Variants in SERPINF1 observed in about 807,000 individuals in gnomAD.
The protein encoded by SERPINF1 is pigment epithelium-derived factor.
Under a neutral mutation model 37.3 loss-of-function variants are expected in SERPINF1, and 29 were observed. That is an observed-to-expected ratio of 0.78 (90% CI 0.58 to 1.06). The LOEUF is 1.06. SERPINF1 is among the 50% of genes least tolerant of loss of function. The pLI is 0.00. For synonymous variants in SERPINF1, 281 were observed against 227.9 expected (o/e 1.23, Z -2.10); for missense variants, 553 against 532.2 (o/e 1.04, Z -0.38).
chr17:1,767,460 C>T (rs773465387), intron 2 of SERPINF1, among the ~76,000 whole-genome samples: 15 of 152,190 alleles, frequency 9.9e-5, no homozygotes, highest in Admixed American at 9.2e-4. Flanking sequence ...TTCTCATTAC[C>T]TTGTCTTCCT....
chr17:1,769,571 C>A, intron 2 of SERPINF1: 1 of 498,700 alleles, frequency 2.0e-6, no homozygotes, highest in Non-Finnish European at 3.7e-6. Flanking sequence ...TTGCAGTGAG[C>A]TGAGATCGCG....
chr17:1,773,322 C>T (rs998303146), intron 5 of SERPINF1, among the ~76,000 whole-genome samples: 1 of 152,154 alleles, frequency 6.6e-6, no homozygotes, highest in Non-Finnish European at 1.5e-5. Flanking sequence ...TGGCTCACTA[C>T]AGCCTCCCCA....
intron 7 of SERPINF1, 144 bp downstream of exon 7, chr17:1,776,886 A>G: frequency 1.2e-6 from 1 of 816,482 alleles, no homozygotes; most frequent in Non-Finnish European, 2.0e-6. Context: ...ATCGTGCCAG[A>G]AGGGAAGGCT....
At position 1,774,713 on chromosome 17, in the gene SERPINF1, C is replaced by T. The variant is rs150955601; in HGVS notation, c.644-345C>T. ...CTGACCTCAAGTGATCCACCCACCC[C>T]GGCCTCCCAATATGCTGGGATTCCA... On this transcript the variant is annotated intron_variant, in intron 5 of 7. Transcript: ENST00000254722. 2.9e-3 allele frequency among the ~76,000 whole-genome samples: 442 copies of T among 152,262 alleles called. 3 individuals are homozygous for T. Among genetic ancestry groups the T allele is most frequent in the African/African-American group, 1.0e-2 (414 of 41,558 alleles).
At chr17:1,765,096 G>A (rs1332455471) in intron 1 of SERPINF1, among the ~76,000 whole-genome samples, 8 of 150,518 alleles carry the variant, frequency 5.3e-5, no homozygotes, top group African/African-American at 7.3e-5. Context: ...TACCCGCCTC[G>A]GCCTCTCAAA....
chr17:1,777,029 C>G (rs750876997), intron 7 of SERPINF1, among the ~76,000 whole-genome samples, 158 bp from the exon 8 acceptor site: 1 of 151,780 alleles, frequency 6.6e-6, no homozygotes, highest in Non-Finnish European at 1.5e-5. Flanking sequence ...GCTAAATGCT[C>G]CTGGGCAAGT....
chr17:1,766,810 A>G, intron 1 of SERPINF1, 93 bp from the exon 2 acceptor site: 1 of 1,269,856 alleles, frequency 7.9e-7, no homozygotes, highest in Non-Finnish European at 1.1e-6. Flanking sequence ...GCCCTGCCCA[A>G]CCCCTGGGTC....
At position 1,769,886 on chromosome 17, in the gene SERPINF1, T is replaced by C; in HGVS notation, c.119T>C (p.Val40Ala). 1 of 1,614,092 alleles carries C rather than the reference T, an allele frequency of 6.2e-7. No individual in the cohort carries two copies. Among genetic ancestry groups the C allele is most frequent in the Non-Finnish European group, 8.5e-7 (1 of 1,180,004 alleles). ...SPDPDSTGALVEEEDPFFKVP... is the reference protein window; with the variant it reads ...SPDPDSTGALAEEEDPFFKVP... ...GACCCCGACAGCACAGGGGCGCTGG[T>C]GGAGGAGGAGGATCCTTTCTTCAAA... The change falls in exon 3 of 8, where the codon GTG (valine) becomes GCG (alanine). Residue 40 changes from valine (V) to alanine (A), a missense_variant. Physicochemically the swap from Val to Ala is moderately conservative, Grantham distance 64 (BLOSUM62 0). Transcript: ENST00000254722.
At chr17:1,777,150 G>A (rs756307527) in intron 7 of SERPINF1, 37 bp from the exon 8 acceptor site, 8 of 1,613,984 alleles carry the variant, frequency 5.0e-6, no homozygotes, top group Admixed American at 1.7e-5. Flanking sequence ...GTTGGGGAAG[G>A]CAGGGTTTTA....
intron 2 of SERPINF1, among the ~76,000 whole-genome samples, chr17:1,768,770 C>T (rs573106489): frequency 7.1e-4 from 108 of 151,692 alleles, no homozygotes; most frequent in Middle Eastern, 6.8e-3. Context: ...AGCCACTGCA[C>T]CTGGCTCCCA....
intron 2 of SERPINF1, among the ~76,000 whole-genome samples, chr17:1,768,154 G>A (rs941249377): frequency 2.7e-5 from 4 of 149,760 alleles, no homozygotes; most frequent in South Asian, 4.2e-4. Context: ...GTGAGGGGCC[G>A]GGCGCGGTGG....
Position 1,777,303 on chromosome 17 carries a change from AC to A in SERPINF1, c.1119del (p.Ser374AlafsTer25), listed in dbSNP as rs1248045644. On this transcript the variant is annotated frameshift_variant, in exon 8 of 8. Coordinates refer to ENST00000254722, the MANE Select transcript of SERPINF1 (RefSeq NM_002615.7). LOFTEE classifies it high-confidence loss of function. ...GTGGAACGAGGATGGGGCGGGAACC[AC>A]CCCCAGCCCAGGGCTGCAGCCTGCC... The part of the protein sequence containing the change: ...FEWNEDGAGT[T>X]PSPGLQPAHL... 1.4e-5 allele frequency: 22 copies of A among 1,613,768 alleles called. No individual in the cohort carries two copies. The highest frequency in any genetic ancestry group is 1.9e-5 in the Non-Finnish European group (22 of 1,179,968).
At chr17:1,773,549 A>G (rs1372985309) in intron 5 of SERPINF1, among the ~76,000 whole-genome samples, 2 of 152,192 alleles carry the variant, frequency 1.3e-5, no homozygotes, top group Non-Finnish European at 2.9e-5. Context: ...CGCTGGCCAA[A>G]TCAGACAAGG....
chr17:1,773,398 A>C (rs1323074743), intron 5 of SERPINF1, among the ~76,000 whole-genome samples: 1 of 152,128 alleles, frequency 6.6e-6, no homozygotes, highest in Non-Finnish European at 1.5e-5. Context: ...GGCGCCCGCC[A>C]CCACACCCAG....
chr17:1,776,436 G>A, intron 6 of SERPINF1, 96 bp from the exon 7 acceptor site: 3 of 1,070,538 alleles, frequency 2.8e-6, no homozygotes, highest in Non-Finnish European at 4.3e-6. Context: ...CGAGACCAGG[G>A]CCCCGTCACG....
At position 1,775,063 on chromosome 17, in the gene SERPINF1, T is replaced by C; in HGVS notation, c.649T>C (p.Trp217Arg). 6.2e-7 allele frequency: 1 copy of C among 1,614,120 alleles called. No homozygotes were observed. The highest frequency in any genetic ancestry group is 8.5e-7 in the Non-Finnish European group (1 of 1,180,032). ...LLGVAHFKGQWVTKFDSRKTS... is the reference protein window; with the variant it reads ...LLGVAHFKGQRVTKFDSRKTS... ...TGTCATACACTTCTTTCCAGGGCAG[T>C]GGGTAACAAAGTTTGACTCCAGAAA... Residue 217 changes from tryptophan to arginine, a missense_variant, in exon 6 of 8, where the codon TGG (tryptophan) becomes CGG (arginine). Coordinates refer to ENST00000254722, the MANE Select transcript of SERPINF1 (RefSeq NM_002615.7).
Position 1,771,133 on chromosome 17 carries a change from A to C in SERPINF1, c.388A>C (p.Thr130Pro). 1 of 1,614,128 alleles carries C rather than the reference A, an allele frequency of 6.2e-7. No individual in the cohort carries two copies. Reference sequence around the variant, plus strand: ...CTATAAGGAGCTCCTTGACACGGTCACTGCCCCCCAGAAGAACCTCAAGAG... The same window carrying C: ...CTATAAGGAGCTCCTTGACACGGTCCCTGCCCCCCAGAAGAACCTCAAGAG... Reference protein sequence around the residue: ...GTYKELLDTVTAPQKNLKSAS... With the variant: ...GTYKELLDTVPAPQKNLKSAS... Residue 130 changes from threonine to proline, a missense_variant, in exon 4 of 8, where the codon ACT becomes CCT. Physicochemically the swap from Thr to Pro is conservative, Grantham distance 38 (BLOSUM62 -1). Coordinates refer to ENST00000254722, the MANE Select transcript of SERPINF1 (RefSeq NM_002615.7).
chr17:1,771,812 CAA>C (rs1311579494), intron 4 of SERPINF1, 58 bp from the exon 5 acceptor site: 1 of 1,555,348 alleles, frequency 6.4e-7, no homozygotes, highest in African/African-American at 1.4e-5. Context: ...GGCAGGCTCT[CAA>C]AGACGGGATG....
At position 1,777,512 on chromosome 17, in the gene SERPINF1, G is replaced by C. The variant is rs1012400251; in HGVS notation, c.*66G>C. The C allele has an allele frequency of 4.4e-6, 7 of 1,602,760 alleles. No homozygotes were observed. The highest frequency in any genetic ancestry group is 6.0e-6 in the Non-Finnish European group (7 of 1,171,228). ...AGGGACAGCAGATTCCACAGGACAC[G>C]AAGGCTGCCCCTGTAAGGTTTCAAT... On this transcript the variant is annotated 3_prime_UTR_variant, in exon 8 of 8. Transcript: ENST00000254722.
Sources: gnomAD v4.1 joint callset for allele counts (sites outside exome capture counted in the v4.1 genomes callset) on GRCh38, gnomAD v4.1.1 for gene constraint, MANE v1.5 for transcripts, NCBI Gene and HGNC (gene_info 2026-07-23, HGNC 2026-07-21) for gene names.